The following CCSER1 variants were observed in gnomAD, a reference collection of about 807,000 sequenced individuals.
The protein encoded by CCSER1 is coiled-coil serine rich protein 1.
CCSER1 carries 41 observed loss-of-function variants against 82.0 expected under a neutral mutation model. The observed-to-expected ratio is 0.50, with a 90% CI of 0.39 to 0.65. The LOEUF is 0.65. Among genes scored for constraint, CCSER1 ranks in the 30% least tolerant of loss-of-function variants. CCSER1 has a pLI of 0.00. For missense variants in CCSER1, 1,119 were observed against 1,064.2 expected (o/e 1.05, Z -0.72); for synonymous variants, 414 against 383.9 (o/e 1.08, Z -0.92).
intron 10 of CCSER1, among the ~76,000 whole-genome samples, chr4:91,443,167 T>C (rs1324491491): frequency 6.6e-6 from 1 of 152,086 alleles, no homozygotes; most frequent in Non-Finnish European, 1.5e-5. Context: ...TAAAGACACA[T>C]GCACACATAT....
chr4:91,474,812 T>TATATATTTGTGTATATATATATATATAC (rs1560700770), intron 10 of CCSER1, among the ~76,000 whole-genome samples: 1 of 66,122 alleles, frequency 1.5e-5, no homozygotes, highest in Non-Finnish European at 3.0e-5. Flanking sequence ...TATATATATA[T>TATATATTTGTGTATATATATATATATAC]ACACACACAC....
intron 9 of CCSER1, among the ~76,000 whole-genome samples, chr4:91,011,322 A>T (rs1738987630): frequency 7.5e-6 from 1 of 133,696 alleles, no homozygotes; most frequent in African/African-American, 2.5e-5. Flanking sequence ...CAAAATAGGG[A>T]TACTTAGCTT....
At chr4:91,193,663 T>G (rs1735180754) in intron 10 of CCSER1, among the ~76,000 whole-genome samples, 1 of 152,204 alleles carries the variant, frequency 6.6e-6, no homozygotes, top group Non-Finnish European at 1.5e-5. Context: ...TTGTTCGATC[T>G]TGTCATTTCC....
chr4:90,412,002 G>T (rs982360991), intron 4 of CCSER1, among the ~76,000 whole-genome samples: 9 of 151,804 alleles, frequency 5.9e-5, no homozygotes, highest in African/African-American at 2.2e-4. Flanking sequence ...CTGCTATAAA[G>T]ACACATGCAC....
chr4:91,299,724 T>C (rs897667721), intron 10 of CCSER1, among the ~76,000 whole-genome samples: 1 of 151,868 alleles, frequency 6.6e-6, no homozygotes, highest in Non-Finnish European at 1.5e-5. Context: ...TGACAAATGG[T>C]ACCTTTCTGT....
intron 10 of CCSER1, among the ~76,000 whole-genome samples, chr4:91,211,070 T>C (rs1736778226): frequency 6.6e-6 from 1 of 152,124 alleles, no homozygotes; most frequent in Admixed American, 6.6e-5. Flanking sequence ...AAATGATTCA[T>C]GATTTTGCTC....
intron 4 of CCSER1, among the ~76,000 whole-genome samples, chr4:90,437,713 T>G (rs1759237122): frequency 1.3e-5 from 2 of 152,192 alleles, no homozygotes; most frequent in Admixed American, 6.5e-5. Context: ...AACCTCTTCA[T>G]TTGTATCTCA....
At chr4:91,029,369 C>G (rs756030919) in intron 9 of CCSER1, among the ~76,000 whole-genome samples, 1 of 151,714 alleles carries the variant, frequency 6.6e-6, no homozygotes, top group Non-Finnish European at 1.5e-5. Context: ...AGAATCATTT[C>G]AAAACAAGTA....
chr4:90,325,139 C>A (rs1332265085), intron 3 of CCSER1, among the ~76,000 whole-genome samples: 1 of 152,100 alleles, frequency 6.6e-6, no homozygotes, highest in South Asian at 2.1e-4. Flanking sequence ...TGCTTTCTTG[C>A]CTGAATATTT....
At chr4:90,762,910 G>GA (rs1383135921) in intron 7 of CCSER1, among the ~76,000 whole-genome samples, 1 of 152,108 alleles carries the variant, frequency 6.6e-6, no homozygotes, top group Admixed American at 6.6e-5. Flanking sequence ...GAGAGAGACA[G>GA]AGAGAGATTT....
chr4:91,514,473 C>A (rs1759993375), intron 10 of CCSER1, among the ~76,000 whole-genome samples: 2 of 152,130 alleles, frequency 1.3e-5, no homozygotes, highest in South Asian at 4.1e-4. Context: ...TTAGGTTGAT[C>A]AAGTGGCATA....
At chr4:91,280,425 C>G (rs1742826900) in intron 10 of CCSER1, among the ~76,000 whole-genome samples, 1 of 152,148 alleles carries the variant, frequency 6.6e-6, no homozygotes, top group Admixed American at 6.5e-5. Flanking sequence ...TTCCAATGCT[C>G]TCAAGTGGCA....
At chr4:91,344,057 A>G (rs1425649588) in intron 10 of CCSER1, among the ~76,000 whole-genome samples, 2 of 152,208 alleles carry the variant, frequency 1.3e-5, no homozygotes, top group African/African-American at 4.8e-5. Flanking sequence ...TGATCCCTCA[A>G]TATTCATATG....
At chr4:90,650,566 A>G (rs1728570720) in intron 6 of CCSER1, among the ~76,000 whole-genome samples, 1 of 152,214 alleles carries the variant, frequency 6.6e-6, no homozygotes, top group African/African-American at 2.4e-5. Context: ...GGAATACCAT[A>G]TCAGGTCCAA....
At chr4:90,373,492 C>T (rs1747799618) in intron 3 of CCSER1, among the ~76,000 whole-genome samples, 1 of 152,136 alleles carries the variant, frequency 6.6e-6, no homozygotes, top group Non-Finnish European at 1.5e-5. Context: ...AAACTGGAAA[C>T]AGTTGCACTC....
chr4:90,829,931 G>C (rs1038418587), intron 8 of CCSER1, among the ~76,000 whole-genome samples: 15 of 152,150 alleles, frequency 9.9e-5, no homozygotes, highest in African/African-American at 3.6e-4. Flanking sequence ...CTAGTAGCAT[G>C]TGTTCTTGAA....
chr4:90,841,678 G>A lies in CCSER1; in HGVS notation c.2094+25833G>A, dbSNP rs956185506. Reference sequence around the variant, plus strand: ...CATTTTCTATTAGAACTGTTTATTAGGGCAGTTTTCTTCTTTACCTGTGCT... The same window carrying A: ...CATTTTCTATTAGAACTGTTTATTAAGGCAGTTTTCTTCTTTACCTGTGCT... On this transcript the variant is annotated intron_variant, in intron 8 of 10. Transcript: ENST00000509176. Among the ~76,000 whole-genome samples the A allele has an allele frequency of 2.0e-5, 3 of 151,742 alleles. No individual in the cohort carries two copies. In the South Asian group the frequency reaches 6.2e-4, roughly 32 times the overall value.
intron 5 of CCSER1, among the ~76,000 whole-genome samples, chr4:90,621,465 G>GTT (rs566048910): frequency 0.014 from 2,027 of 143,302 alleles, 45 homozygotes; most frequent in African/African-American, 0.049. Flanking sequence ...AAGTTTCTGG[G>GTT]TTTTTTTTTT....
chr4:90,184,812 G>A (rs930381468), intron 1 of CCSER1, among the ~76,000 whole-genome samples: 6 of 151,966 alleles, frequency 3.9e-5, no homozygotes, highest in Non-Finnish European at 7.4e-5. Context: ...GCAGAGAGGG[G>A]AGAACAGGAA....
Sources: gnomAD v4.1 joint callset for allele counts (sites outside exome capture counted in the v4.1 genomes callset) on GRCh38, gnomAD v4.1.1 for gene constraint, MANE v1.5 for transcripts, NCBI Gene and HGNC (gene_info 2026-07-23, HGNC 2026-07-21) for gene names.